Variants in RORB observed in about 807,000 individuals in gnomAD.
RORB encodes the protein nuclear receptor ROR-beta.
In RORB, 6 loss-of-function variants were observed where a neutral mutation model predicts 59.1. The observed-to-expected ratio is 0.10, with a 90% CI of 0.06 to 0.20. RORB has a LOEUF of 0.20. Ranked by LOEUF, RORB falls within the 10% of genes least tolerant of loss-of-function variation. The pLI is 1.00. For synonymous variants in RORB, 215 were observed against 204.5 expected (o/e 1.05, Z -0.44); for missense variants, 320 against 560.5 (o/e 0.57, Z 4.33).
rs1824202499 is a variant in RORB at position 74,662,390 on chromosome 9, G to A, written c.760-84G>A. On this transcript the variant is annotated intron_variant, in intron 5 of 9. Coordinates refer to ENST00000376896, the MANE Select transcript of RORB (RefSeq NM_006914.4). ...TCCTTTGGCCCCAAGTGACAGATAA[G>A]CACCAGTAAGGCAAACCTGAGTGTT... The A allele has an allele frequency of 4.5e-6, 6 of 1,345,204 alleles. No homozygotes were observed. The South Asian group carries it at 7.5e-5, about 17-fold the overall frequency. 83.3% of individuals were successfully genotyped at this position (1,345,204 alleles called of 1,614,324 possible).
At chr9:74,510,770 AT>A (rs1372203491) in intron 1 of RORB, among the ~76,000 whole-genome samples, 1 of 152,194 alleles carries the variant, frequency 6.6e-6, no homozygotes, top group East Asian at 1.9e-4. Context: ...AAATATAAAT[AT>A]TTGATTTATA....
Position 74,620,772 on chromosome 9 carries a change from C to T in RORB, c.8-9510C>T, listed in dbSNP as rs537201245. On this transcript the variant is annotated intron_variant, in intron 1 of 9. Transcript: ENST00000376896. ...CTTTGTTCTCATTGGTTTCAAAGAA[C>T]ATCTTTATTTCTGCCTTCATTTCGT... Among the ~76,000 whole-genome samples, 93 of 152,266 alleles carry T rather than the reference C, an allele frequency of 6.1e-4. 1 individual carries two copies. The Middle Eastern group carries it at 0.01, about 17-fold the overall frequency.
Position 74,523,998 on chromosome 9 carries a change from G to A in RORB, c.7+26015G>A, listed in dbSNP as rs561119078. Among the ~76,000 whole-genome samples the A allele has an allele frequency of 3.8e-4, 46 of 120,290 alleles. 1 individual carries two copies. In the South Asian group the frequency reaches 0.011, roughly 29 times the overall value. The allele number at this position is 120,290 out of a possible 152,430, so 78.9% of individuals were successfully genotyped here. On this transcript the variant is annotated intron_variant, in intron 1 of 9. Transcript: ENST00000376896. The stretch of plus-strand genomic sequence containing the variant: ...CCATGACTTTATTCACTGAATCAAC[G>A]ACACCTTTTTTTTTTTTTTTTTTTT...
At chr9:74,652,004 G>C (rs1020540588) in intron 4 of RORB, among the ~76,000 whole-genome samples, 1 of 152,188 alleles carries the variant, frequency 6.6e-6, no homozygotes, top group African/African-American at 2.4e-5. Context: ...CACCCTCTTA[G>C]ATAGTTAACT....
At chr9:74,579,894 G>A (rs888952255) in intron 1 of RORB, among the ~76,000 whole-genome samples, 4 of 152,046 alleles carry the variant, frequency 2.6e-5, no homozygotes, top group Non-Finnish European at 4.4e-5. Context: ...CCACGGTTTC[G>A]CCTTCAGCAA....
At position 74,553,147 on chromosome 9, in the gene RORB, G is replaced by A. The variant is rs1587356606; in HGVS notation, c.7+55164G>A. The stretch of plus-strand genomic sequence containing the variant: ...CTGTTGGAGGATCTTACACAGAGGG[G>A]CACGGAGCAGAAGTGGAAGCAGGAA... On this transcript the variant is annotated intron_variant, in intron 1 of 9. Transcript: ENST00000376896. Among the ~76,000 whole-genome samples the A allele has an allele frequency of 2.0e-5, 3 of 152,206 alleles. No individual in the cohort carries two copies. The East Asian group carries it at 5.8e-4, about 29-fold the overall frequency.
chr9:74,593,083 C>T (rs1801654536), intron 1 of RORB, among the ~76,000 whole-genome samples: 1 of 152,096 alleles, frequency 6.6e-6, no homozygotes, highest in Non-Finnish European at 1.5e-5. Flanking sequence ...GATGTCTTCC[C>T]CAGATACATA....
At position 74,619,490 on chromosome 9, in the gene RORB, C is replaced by T. The variant is rs926794264; in HGVS notation, c.8-10792C>T. Among the ~76,000 whole-genome samples, 8 of 152,104 alleles carry T rather than the reference C, an allele frequency of 5.3e-5. 1 individual carries two copies. The highest frequency in any genetic ancestry group is 2.1e-4 in the South Asian group (1 of 4,828). ...TTTTTGAGTTGGAGTCTTACTCTGTCGCCCAGGCTGGAGTGCAGTGGCGCG... is the reference window on the plus strand; with the variant it reads ...TTTTTGAGTTGGAGTCTTACTCTGTTGCCCAGGCTGGAGTGCAGTGGCGCG... On this transcript the variant is annotated intron_variant, in intron 1 of 9. Transcript: ENST00000376896.
At chr9:74,681,032 G>A (rs1380066959) in intron 9 of RORB, among the ~76,000 whole-genome samples, 1 of 152,058 alleles carries the variant, frequency 6.6e-6, no homozygotes, top group Non-Finnish European at 1.5e-5. Flanking sequence ...CTTCTCATAA[G>A]AAATGCTTGT....
intron 1 of RORB, among the ~76,000 whole-genome samples, chr9:74,588,351 T>C (rs1822838012): frequency 6.6e-6 from 1 of 152,204 alleles, no homozygotes; most frequent in Admixed American, 6.5e-5. Flanking sequence ...AGTGAGGTTG[T>C]GGTTCAGTAA....
At chr9:74,661,934 C>T (rs1438772723) in intron 5 of RORB, among the ~76,000 whole-genome samples, 27 of 150,802 alleles carry the variant, frequency 1.8e-4, no homozygotes, top group Non-Finnish European at 1.6e-4. Context: ...CGTGAGCCAC[C>T]GCGCCCGGCC....
intron 7 of RORB, 87 bp from the exon 8 acceptor site, chr9:74,667,704 G>A: frequency 1.2e-6 from 1 of 814,464 alleles, no homozygotes; most frequent in Admixed American, 1.8e-5. Flanking sequence ...CACCTCCTTG[G>A]ATAGCTTATT....
chr9:74,523,039 T>C (rs1826104584), intron 1 of RORB, among the ~76,000 whole-genome samples: 1 of 151,894 alleles, frequency 6.6e-6, no homozygotes, highest in Non-Finnish European at 1.5e-5. Flanking sequence ...GGTTTGACTC[T>C]GGTTGTTATC....
intron 1 of RORB, among the ~76,000 whole-genome samples, chr9:74,501,765 A>T (rs1825806455): frequency 1.3e-5 from 2 of 152,160 alleles, no homozygotes; most frequent in East Asian, 1.9e-4. Flanking sequence ...GACATACTGG[A>T]CTTCTGGGAT....
chr9:74,618,338 G>T (rs1823347170), intron 1 of RORB, among the ~76,000 whole-genome samples: 1 of 152,092 alleles, frequency 6.6e-6, no homozygotes, highest in African/African-American at 2.4e-5. Flanking sequence ...ATTAGGAAGA[G>T]AAATGTTAGT....
chr9:74,611,966 C>T (rs996676329), intron 1 of RORB, among the ~76,000 whole-genome samples: 4 of 152,106 alleles, frequency 2.6e-5, no homozygotes, highest in African/African-American at 7.2e-5. Flanking sequence ...ATTCATTTTA[C>T]TGAATCCTTA....
At chr9:74,666,249 T>C (rs1425179274) in intron 7 of RORB, among the ~76,000 whole-genome samples, 1 of 152,064 alleles carries the variant, frequency 6.6e-6, no homozygotes, top group Non-Finnish European at 1.5e-5. Flanking sequence ...ATAGTTCCAC[T>C]GCACTCCAGC....
At chr9:74,612,601 C>A (rs1319466188) in intron 1 of RORB, among the ~76,000 whole-genome samples, 1 of 152,152 alleles carries the variant, frequency 6.6e-6, no homozygotes, top group African/African-American at 2.4e-5. Context: ...TCCTTTGATT[C>A]TCTTTTGTAC....
At chr9:74,578,259 A>T (rs1424070755) in intron 1 of RORB, among the ~76,000 whole-genome samples, 6 of 152,178 alleles carry the variant, frequency 3.9e-5, no homozygotes, top group Admixed American at 3.9e-4. Flanking sequence ...TATGATAAAA[A>T]CAGGGGTCTA....
Sources: gnomAD v4.1 joint callset for allele counts (sites outside exome capture counted in the v4.1 genomes callset) on GRCh38, gnomAD v4.1.1 for gene constraint, MANE v1.5 for transcripts, NCBI Gene and HGNC (gene_info 2026-07-23, HGNC 2026-07-21) for gene names.